The following RYK variants were observed in gnomAD, a reference collection of about 807,000 sequenced individuals.
RYK encodes receptor like tyrosine kinase.
RYK carries 21 observed loss-of-function variants against 70.2 expected under a neutral mutation model. That is an observed-to-expected ratio of 0.30 (90% CI 0.21 to 0.43). The LOEUF (loss-of-function observed/expected upper bound fraction) is 0.43. Ranked by LOEUF, RYK falls within the 20% of genes least tolerant of loss-of-function variation. The probability of loss-of-function intolerance (pLI) is 1.00; values close to 1 mark genes in which losing one functional copy is unlikely to be tolerated. For synonymous variants in RYK, 267 were observed against 278.0 expected, an observed-to-expected ratio of 0.96 and a Z score of 0.39; for missense variants, 604 against 753.3, an observed-to-expected ratio of 0.80 and a Z score of 2.32.
chr3:134,213,957 C>A (rs2014477663), intron 2 of RYK, among the ~76,000 whole-genome samples: 6 of 152,092 alleles, frequency 3.9e-5, no homozygotes, highest in Admixed American at 3.3e-4. Context: ...CAGGCACACG[C>A]CACTATGCCC....
rs139307755 is a variant in RYK at position 134,194,226 on chromosome 3, T to C, written c.889+856A>G. Among the ~76,000 whole-genome samples the C allele has an allele frequency of 4.6e-5, 7 of 152,342 alleles. No individual in the cohort carries two copies. In the East Asian group the frequency reaches 5.8e-4, roughly 13 times the overall value. ...CCTGAAATACAGTTCATGTAGTCAG[T>C]TGGTAGAGTAAGGTATTCACTGGAG... On this transcript the variant is annotated intron_variant, in intron 7 of 14. Coordinates refer to ENST00000623711, the MANE Select transcript of RYK (RefSeq NM_002958.4).
At chr3:134,237,552 G>A (rs1477283979) in intron 1 of RYK, among the ~76,000 whole-genome samples, 3 of 152,042 alleles carry the variant, frequency 2.0e-5, no homozygotes, top group Non-Finnish European at 4.4e-5. Flanking sequence ...ATTAGTTAAG[G>A]CAAAAAAACA....
At chr3:134,187,280 C>T (rs1407444575) in intron 9 of RYK, among the ~76,000 whole-genome samples, 1 of 152,112 alleles carries the variant, frequency 6.6e-6, no homozygotes, top group Non-Finnish European at 1.5e-5. Flanking sequence ...TAAACATAAA[C>T]CCTTCATACT....
At chr3:134,185,575 A>C (rs2013434970) in intron 9 of RYK, among the ~76,000 whole-genome samples, 1 of 152,204 alleles carries the variant, frequency 6.6e-6, no homozygotes, top group Non-Finnish European at 1.5e-5. Flanking sequence ...AATAAACTCT[A>C]AGTGTCTACA....
chr3:134,203,540 G>A (rs765918960), intron 5 of RYK, among the ~76,000 whole-genome samples: 4 of 152,042 alleles, frequency 2.6e-5, no homozygotes, highest in Admixed American at 6.5e-5. Flanking sequence ...AAAGTCAACA[G>A]ACCTTACTAA....
intron 13 of RYK, among the ~76,000 whole-genome samples, chr3:134,165,491 T>C (rs1255503485): frequency 6.6e-6 from 1 of 152,212 alleles, no homozygotes; most frequent in Non-Finnish European, 1.5e-5. Flanking sequence ...TAGGTTTTTC[T>C]GTAGACGCCC....
chr3:134,247,919 C>T (rs565617055), intron 1 of RYK, among the ~76,000 whole-genome samples: 1 of 152,270 alleles, frequency 6.6e-6, no homozygotes, highest in Non-Finnish European at 1.5e-5. Flanking sequence ...GGCACAAAAT[C>T]TGTAGTGATT....
intron 13 of RYK, among the ~76,000 whole-genome samples, chr3:134,174,404 A>G (rs902323427): frequency 4.6e-5 from 7 of 152,254 alleles, no homozygotes; most frequent in African/African-American, 1.2e-4. Context: ...ATACATGATT[A>G]AAAGATTAAT....
intron 6 of RYK, among the ~76,000 whole-genome samples, chr3:134,198,126 G>A (rs2013872205): frequency 6.6e-6 from 1 of 152,190 alleles, no homozygotes; most frequent in African/African-American, 2.4e-5. Flanking sequence ...GGTGGAAAAT[G>A]AGATTAAAAT....
intron 2 of RYK, among the ~76,000 whole-genome samples, chr3:134,221,065 C>T (rs2014718225): frequency 6.6e-6 from 1 of 151,942 alleles, no homozygotes; most frequent in South Asian, 2.1e-4. Flanking sequence ...GGAAAAAGTA[C>T]TGTTCAACAT....
chr3:134,169,102 C>T (rs1291716658), intron 13 of RYK, among the ~76,000 whole-genome samples: 1 of 152,170 alleles, frequency 6.6e-6, no homozygotes, highest in African/African-American at 2.4e-5. Context: ...CCCCTAAAAA[C>T]TGTTCAAATA....
chr3:134,235,139 G>A (rs930129766), intron 1 of RYK, among the ~76,000 whole-genome samples: 3 of 152,060 alleles, frequency 2.0e-5, no homozygotes, highest in African/African-American at 7.2e-5. Flanking sequence ...GGCAGGGAGT[G>A]AGGCAAAACT....
intron 13 of RYK, among the ~76,000 whole-genome samples, chr3:134,161,874 C>T (rs1216954120): frequency 6.6e-6 from 1 of 151,166 alleles, no homozygotes; most frequent in Non-Finnish European, 1.5e-5. Flanking sequence ...TAACATACCA[C>T]AAACGAGTAG....
chr3:134,219,809 G>A (rs2014682525), intron 2 of RYK, among the ~76,000 whole-genome samples: 1 of 151,482 alleles, frequency 6.6e-6, no homozygotes, highest in Non-Finnish European at 1.5e-5. Flanking sequence ...CTTCCAGTGA[G>A]AGGAAACACA....
At chr3:134,201,222 A>G (rs1233670593) in intron 6 of RYK, among the ~76,000 whole-genome samples, 1 of 152,180 alleles carries the variant, frequency 6.6e-6, no homozygotes, top group African/African-American at 2.4e-5. Flanking sequence ...TTCTGAAACA[A>G]ATCATATACG....
chr3:134,218,922 TAGG>T (rs1184363876), intron 2 of RYK, among the ~76,000 whole-genome samples: 3 of 152,064 alleles, frequency 2.0e-5, no homozygotes, highest in Non-Finnish European at 2.9e-5. Context: ...TTAGAAAGTA[TAGG>T]AGAAGGAAAC....
At chr3:134,195,305 T>C (rs1576514951) in intron 6 of RYK, 123 bp from the exon 7 acceptor site, 3 of 665,510 alleles carry the variant, frequency 4.5e-6, no homozygotes, top group Non-Finnish European at 8.0e-6. Flanking sequence ...GAGATCACAA[T>C]AATTCATGAT....
intron 1 of RYK, among the ~76,000 whole-genome samples, chr3:134,237,418 G>C (rs1389564501): frequency 6.6e-6 from 1 of 152,112 alleles, no homozygotes; most frequent in African/African-American, 2.4e-5. Flanking sequence ...TAGTTTACTT[G>C]TAACTACTTA....
intron 2 of RYK, among the ~76,000 whole-genome samples, chr3:134,219,722 G>T: frequency 6.6e-6 from 1 of 152,158 alleles, no homozygotes; most frequent in Non-Finnish European, 1.5e-5. Flanking sequence ...TTAAAATTCA[G>T]TAACAACCAC....
Sources: allele counts gnomAD v4.1 joint callset (sites outside exome capture counted in the v4.1 genomes callset), GRCh38; gene constraint gnomAD v4.1.1; transcripts MANE v1.5; gene names NCBI Gene and HGNC (gene_info 2026-07-23, HGNC 2026-07-21).